The following WT1 variants were observed in gnomAD, a reference collection of about 807,000 sequenced individuals.
WT1 encodes Wilms tumor protein.
A neutral mutation model predicts 60.8 loss-of-function variants in WT1; 8 were observed. That is an observed-to-expected ratio of 0.13 (90% CI 0.08 to 0.24). The LOEUF (loss-of-function observed/expected upper bound fraction) is 0.24, where lower values mean the gene tolerates loss of function less well. Among genes scored for constraint, WT1 ranks in the 10% least tolerant of loss-of-function variants. WT1 has a pLI of 1.00. For synonymous variants in WT1, 312 were observed against 297.1 expected (o/e 1.05, Z -0.52); for missense variants, 568 against 711.8 (o/e 0.80, Z 2.30).
chr11:32,407,485 T>C (rs915460863), intron 5 of WT1, among the ~76,000 whole-genome samples: 2 of 152,150 alleles, frequency 1.3e-5, no homozygotes, highest in Admixed American at 1.3e-4. Flanking sequence ...AAGGGGGAAT[T>C]TCGGCCTGTC....
chr11:32,394,554 A>C (rs1430116729), intron 7 of WT1, among the ~76,000 whole-genome samples: 1 of 152,190 alleles, frequency 6.6e-6, no homozygotes, highest in African/African-American at 2.4e-5. Context: ...AAAAAGAAGG[A>C]GTTTGAGTCC....
intron 1 of WT1, among the ~76,000 whole-genome samples, chr11:32,431,451 TTC>T (rs534579280): frequency 0.19 from 20,886 of 109,128 alleles, 2,003 homozygotes; most frequent in African/African-American, 0.35. Flanking sequence ...TTTTTTTTTT[TTC>T]CGAGACGGAG....
At chr11:32,389,543 G>C (rs1851756175) in intron 9 of WT1, among the ~76,000 whole-genome samples, 1 of 152,182 alleles carries the variant, frequency 6.6e-6, no homozygotes, top group Non-Finnish European at 1.5e-5. Flanking sequence ...CCCCCTTGTT[G>C]AGTAAGTTGG....
rs2132915550 is a variant in WT1, at chr11:32,392,081, G to A, written c.1355-17C>T. The stretch of plus-strand genomic sequence containing the variant: ...GTTTCACACCTAAATGGACAGAGAA[G>A]GTCTAGCCTCGGCCCTAACAATGTG... On this transcript the variant is annotated splice_polypyrimidine_tract_variant and intron_variant, in intron 8 of 9. Coordinates refer to ENST00000452863, the MANE Select transcript of WT1 (RefSeq NM_024426.6). The A allele has an allele frequency of 1.9e-6, 3 of 1,612,664 alleles. No individual in the cohort carries two copies. Among genetic ancestry groups the A allele is most frequent in the Non-Finnish European group, 2.5e-6 (3 of 1,178,898 alleles).
chr11:32,403,461 G>T (rs1852216321), intron 5 of WT1, among the ~76,000 whole-genome samples: 1 of 152,150 alleles, frequency 6.6e-6, no homozygotes, highest in Non-Finnish European at 1.5e-5. Flanking sequence ...TGATCAACAT[G>T]ACTGGTGACT....
intron 3 of WT1, among the ~76,000 whole-genome samples, chr11:32,425,747 A>T (rs1194064786): frequency 1.3e-5 from 2 of 152,232 alleles, no homozygotes; most frequent in East Asian, 3.8e-4. Context: ...TGAGAGGGAA[A>T]AATAGTATTT....
chr11:32,406,816 C>T (rs146980549), intron 5 of WT1, among the ~76,000 whole-genome samples: 351 of 152,100 alleles, frequency 2.3e-3, no homozygotes, highest in African/African-American at 8.0e-3. Flanking sequence ...TGCATAAACA[C>T]GGCCGGGTGC....
chr11:32,435,168 C>A lies in WT1; in HGVS notation c.193G>T (p.Gly65Trp), dbSNP rs374404615. 2.6e-6 allele frequency: 4 copies of A among 1,521,198 alleles called. No individual in the cohort carries two copies. Among genetic ancestry groups the A allele is most frequent in the Non-Finnish European group, 3.5e-6 (4 of 1,140,116 alleles). The allele number at this position is 1,521,198 out of a possible 1,614,324, so 94.2% of individuals were successfully genotyped here. A position where few individuals can be genotyped will look rare whatever the true frequency, so the allele number is the denominator to read the frequency against. Residue 65 changes from glycine to tryptophan, a missense_variant, in exon 1 of 10, where the codon GGG becomes TGG. By Grantham distance (184) the Gly-to-Trp change is radical (BLOSUM62 -2). Coordinates refer to ENST00000452863, the MANE Select transcript of WT1 (RefSeq NM_024426.6). ...TGCTGCGGCTCAGACCCGGACGCCC[C>A]GCGGCTCCTCCGGCCCTGGAGACGT...
At chr11:32,428,703 G>T (rs541722316) in intron 1 of WT1, 84 bp from the exon 2 acceptor site, 34 of 1,553,712 alleles carry the variant, frequency 2.2e-5, no homozygotes, top group East Asian at 1.4e-4. Context: ...ACGGGCGGGG[G>T]GGGTGTGCGC....
rs1852103616 is a variant in WT1, at chr11:32,400,040, T to C, written c.1021A>G (p.Ser341Gly). ...TGGTTATCGCTCTCGTACCCTGTGC[T>C]GTGGCTGCAAACACAAAGAAGGGAA... Residue 341 changes from serine (S) to glycine (G), a missense_variant, in exon 6 of 10, where the codon AGC becomes GGC. Transcript: ENST00000452863. The C allele has an allele frequency of 6.2e-7, 1 of 1,614,208 alleles. No homozygotes were observed. Among genetic ancestry groups the C allele is most frequent in the Non-Finnish European group, 8.5e-7 (1 of 1,180,036 alleles).
Position 32,428,601 on chromosome 11 carries a change from A to C in WT1, c.680T>G (p.Phe227Cys). 6.2e-7 allele frequency: 1 copy of C among 1,613,680 alleles called. No individual in the cohort carries two copies. Among genetic ancestry groups the C allele is most frequent in the Non-Finnish European group, 8.5e-7 (1 of 1,180,012 alleles). ...GTGACCGTAGCTGGGCGTCCCGTCG[A>C]AGGTGACCGTGCTGTAACCTGCGGG... The change falls in exon 2 of 10, where the codon TTC (phenylalanine) becomes TGC (cysteine). Residue 227 changes from phenylalanine to cysteine, a missense_variant. This residue lies in a region of WT1 where 523 missense variants were observed against 565.1 expected (regional missense o/e 0.93). Coordinates refer to ENST00000452863, the MANE Select transcript of WT1 (RefSeq NM_024426.6).
Position 32,389,729 on chromosome 11 carries a change from T to A in WT1, c.1448-550A>T, listed in dbSNP as rs79147948. On this transcript the variant is annotated intron_variant, in intron 9 of 9. Transcript: ENST00000452863. ...ATCACTGATACCAGTTTACATGTTATGTGTTGTTTTTTTTTTTCTCTTAAA... is the reference window on the plus strand; with the variant it reads ...ATCACTGATACCAGTTTACATGTTAAGTGTTGTTTTTTTTTTTCTCTTAAA... 4.5e-3 allele frequency among the ~76,000 whole-genome samples: 687 copies of A among 152,144 alleles called. 7 individuals are homozygous for A. The highest frequency in any genetic ancestry group is 0.016 in the African/African-American group (662 of 41,478).
In WT1 at chr11:32,429,849, A is replaced by G. The variant is rs540704588; in HGVS notation, c.662-1230T>C. 1.2e-4 allele frequency among the ~76,000 whole-genome samples: 19 copies of G among 152,090 alleles called. No individual in the cohort carries two copies. The East Asian group carries it at 3.7e-3, about 30-fold the overall frequency. On this transcript the variant is annotated intron_variant, in intron 1 of 9. Transcript: ENST00000452863. ...ACAGCACCCATTCTCCCACTCTTGC[A>G]CTATTTGACCAAAGTGCCTCCAAAG...
intron 5 of WT1, among the ~76,000 whole-genome samples, chr11:32,413,428 T>C (rs1345148420): frequency 6.6e-6 from 1 of 152,188 alleles, no homozygotes; most frequent in Non-Finnish European, 1.5e-5. Flanking sequence ...AAATCCAGTA[T>C]CACAAAGAAC....
chr11:32,395,504 C>T (rs1851940251), intron 7 of WT1, among the ~76,000 whole-genome samples: 3 of 149,642 alleles, frequency 2.0e-5, no homozygotes, highest in Non-Finnish European at 4.4e-5. Context: ...CAGAGTCTTG[C>T]TCTGTCGCCC....
At chr11:32,407,116 C>T (rs1852337508) in intron 5 of WT1, among the ~76,000 whole-genome samples, 1 of 151,980 alleles carries the variant, frequency 6.6e-6, no homozygotes, top group African/African-American at 2.4e-5. Context: ...AAAACAAAAA[C>T]AAACAAAAAA....
chr11:32,430,740 G>T, intron 1 of WT1: 2 of 1,342,364 alleles, frequency 1.5e-6, no homozygotes, highest in Non-Finnish European at 1.9e-6. Flanking sequence ...GACCGGACAC[G>T]CAGACCTCGG....
At chr11:32,414,534 C>T (rs1339793730) in intron 5 of WT1, among the ~76,000 whole-genome samples, 1 of 152,212 alleles carries the variant, frequency 6.6e-6, no homozygotes, top group Non-Finnish European at 1.5e-5. Flanking sequence ...CTCAGCCTCC[C>T]AAAGTGCTGG....
At chr11:32,389,237 A>T in intron 9 of WT1, 58 bp from the exon 10 acceptor site, 6 of 1,613,190 alleles carry the variant, frequency 3.7e-6, no homozygotes, top group Non-Finnish European at 5.1e-6. Context: ...CACAAGTTCA[A>T]CTATCAAGGC....
Sources: allele counts gnomAD v4.1 joint callset (sites outside exome capture counted in the v4.1 genomes callset), GRCh38; gene constraint gnomAD v4.1.1; regional missense constraint gnomAD v4.1.1; transcripts MANE v1.5; gene names NCBI Gene and HGNC (gene_info 2026-07-23, HGNC 2026-07-21).